The following SRRM4 variants were observed in gnomAD, a reference collection of about 807,000 sequenced individuals.
The protein encoded by SRRM4 is serine/arginine repetitive matrix 4.
Under a neutral mutation model 68.9 loss-of-function variants are expected in SRRM4, and 33 were observed. The observed-to-expected ratio is 0.48, with a 90% CI of 0.36 to 0.64. The LOEUF is 0.64. Ranked by LOEUF, SRRM4 falls within the 30% of genes least tolerant of loss-of-function variation. SRRM4 has a pLI of 0.00. For synonymous variants in SRRM4, 318 were observed against 318.8 expected (o/e 1.00, Z 0.03); for missense variants, 817 against 827.1 (o/e 0.99, Z 0.15).
At chr12:119,101,156 C>T (rs1954075702) in intron 1 of SRRM4, among the ~76,000 whole-genome samples, 1 of 152,158 alleles carries the variant, frequency 6.6e-6, no homozygotes, top group South Asian at 2.1e-4. Flanking sequence ...CATGCTAATG[C>T]CTTTGATCAA....
intron 1 of SRRM4, among the ~76,000 whole-genome samples, chr12:119,002,149 A>T (rs1016100406): frequency 1.5e-4 from 23 of 152,122 alleles, no homozygotes; most frequent in Admixed American, 5.9e-4. Flanking sequence ...ACATGACGAT[A>T]GACGAAGTGC....
At chr12:119,008,570 G>A (rs1953429825) in intron 1 of SRRM4, among the ~76,000 whole-genome samples, 1 of 151,232 alleles carries the variant, frequency 6.6e-6, no homozygotes, top group Non-Finnish European at 1.5e-5. Flanking sequence ...GGTAGTAGTA[G>A]CCCCAGTCCT....
rs184928978 is a variant in SRRM4 at position 119,148,509 on chromosome 12, C to T, written c.1077-2508C>T. ...AACAATAATAACGGCAGTTCATATTCGTTGAGCCCAAATCACATGCTAGGT... is the reference window on the plus strand; with the variant it reads ...AACAATAATAACGGCAGTTCATATTTGTTGAGCCCAAATCACATGCTAGGT... On this transcript the variant is annotated intron_variant, in intron 9 of 12. Transcript: ENST00000267260. Among the ~76,000 whole-genome samples, 48 of 152,322 alleles carry T rather than the reference C, an allele frequency of 3.2e-4. No homozygotes were observed. The East Asian group carries it at 8.7e-3, about 28-fold the overall frequency.
chr12:118,991,019 G>A (rs1365057851), intron 1 of SRRM4, among the ~76,000 whole-genome samples: 1 of 152,142 alleles, frequency 6.6e-6, no homozygotes, highest in Non-Finnish European at 1.5e-5. Flanking sequence ...TGGCCAGGCT[G>A]GTCTTGAACT....
rs1565913225 is a variant in SRRM4, at chr12:119,122,090, A to G, written c.485A>G (p.Lys162Arg). The G allele has an allele frequency of 6.2e-7, 1 of 1,611,684 alleles. No individual in the cohort carries two copies. The highest frequency in any genetic ancestry group is 1.3e-5 in the African/African-American group (1 of 74,866). The change falls in exon 6 of 13, where the codon AAA becomes AGA. Residue 162 changes from lysine to arginine, a missense_variant. Transcript: ENST00000267260. ...RRHSSSSPKS[K>R]RRDEKRHKKQ... is the part of the protein sequence containing the mutation. ...TTTAGCTCCTCTAGCCCAAAAAGCA[A>G]AAGAAGAGATGAGAAGAGGCACAAG...
intron 1 of SRRM4, among the ~76,000 whole-genome samples, chr12:119,096,224 G>A (rs1356943127): frequency 6.7e-6 from 1 of 150,272 alleles, no homozygotes; most frequent in East Asian, 2.0e-4. Flanking sequence ...AGCAGTGACG[G>A]GGTTTCACTG....
At chr12:119,156,398 A>AGGGAGGATATTGGTTTCCCTT (rs1954471232) in intron 12 of SRRM4, 97 bp from the exon 13 acceptor site, 1 of 1,458,424 alleles carries the variant, frequency 6.9e-7, no homozygotes, top group South Asian at 1.5e-5. Flanking sequence ...GACTGGGGAA[A>AGGGAGGATATTGGTTTCCCTT]GGGAGGATAT....
intron 1 of SRRM4, among the ~76,000 whole-genome samples, chr12:119,094,522 A>G (rs7311040): frequency 1.3e-5 from 2 of 152,060 alleles, no homozygotes; most frequent in African/African-American, 4.8e-5. Flanking sequence ...GCCACCCTCC[A>G]CCTTCACTGT....
intron 1 of SRRM4, among the ~76,000 whole-genome samples, chr12:119,058,806 G>T (rs1221361817): frequency 1.3e-5 from 2 of 151,832 alleles, no homozygotes; most frequent in Non-Finnish European, 2.9e-5. Flanking sequence ...TTTTCTTTCA[G>T]AGCCATTGTT....
rs546863868 is a variant in SRRM4, at chr12:119,122,244, A to AAGGAAGGC, written c.515+172_515+179dup. Reference sequence around the variant, plus strand: ...AAGGGAGGAGAAGGTGAGCGGGTGAAAGGAAGGCAGGAAGGCAGGAAGGCA... The same window carrying AAGGAAGGC: ...AAGGGAGGAGAAGGTGAGCGGGTGAAAGGAAGGCAGGAAGGCAGGAAGGCAGGAAGGCA... On this transcript the variant is annotated intron_variant, in intron 6 of 12. Transcript: ENST00000267260. The AAGGAAGGC allele has an allele frequency of 3.8e-3, 1,429 of 375,308 alleles. 122 individuals carry two copies. The highest frequency in any genetic ancestry group is 0.013 in the African/African-American group (462 of 34,510). The allele number at this position is 375,308 out of a possible 1,614,324, so 23.2% of individuals were successfully genotyped here.
At chr12:119,130,432 T>G (rs201367721) in intron 7 of SRRM4, among the ~76,000 whole-genome samples, 5 of 142,892 alleles carry the variant, frequency 3.5e-5, no homozygotes, top group South Asian at 2.2e-4. Context: ...GATGGATGGA[T>G]GGATGGATGG....
chr12:119,091,726 G>T (rs889566869), intron 1 of SRRM4, among the ~76,000 whole-genome samples: 4 of 152,128 alleles, frequency 2.6e-5, no homozygotes, highest in Non-Finnish European at 5.9e-5. Flanking sequence ...TATCCGATGG[G>T]TCTACTCACT....
intron 1 of SRRM4, among the ~76,000 whole-genome samples, chr12:119,051,456 G>A (rs913507874): frequency 6.6e-6 from 1 of 152,200 alleles, no homozygotes; most frequent in African/African-American, 2.4e-5. Context: ...TTACAGGGAA[G>A]CTGCTTTTTT....
intron 3 of SRRM4, 43 bp from the exon 4 acceptor site, chr12:119,116,894 T>C: frequency 1.2e-6 from 2 of 1,600,820 alleles, no homozygotes; most frequent in South Asian, 1.1e-5. Flanking sequence ...AACCTTGGCC[T>C]TTAAGAGCCT....
At chr12:119,063,019 AG>A (rs1333064061) in intron 1 of SRRM4, among the ~76,000 whole-genome samples, 1 of 152,252 alleles carries the variant, frequency 6.6e-6, no homozygotes, top group Admixed American at 6.5e-5. Context: ...GTCATGAATA[AG>A]GTTGTTTTTG....
At chr12:119,095,403 G>A (rs147022793) in intron 1 of SRRM4, among the ~76,000 whole-genome samples, 10 of 152,242 alleles carry the variant, frequency 6.6e-5, no homozygotes, top group South Asian at 2.1e-4. Flanking sequence ...CTGGATGCAC[G>A]GGTAGAACAA....
intron 1 of SRRM4, among the ~76,000 whole-genome samples, chr12:119,036,454 A>G (rs1594037369): frequency 1.3e-5 from 2 of 152,154 alleles, no homozygotes. Flanking sequence ...TGACAACCCC[A>G]TATCCTGCTG....
chr12:119,006,408 C>A (rs766055194), intron 1 of SRRM4, among the ~76,000 whole-genome samples: 1 of 152,084 alleles, frequency 6.6e-6, no homozygotes, highest in African/African-American at 2.4e-5. Context: ...ATTGAAAAGT[C>A]CCTATGAAAC....
chr12:119,003,207 C>T (rs1309849119), intron 1 of SRRM4, among the ~76,000 whole-genome samples: 1 of 151,724 alleles, frequency 6.6e-6, no homozygotes, highest in Admixed American at 6.6e-5. Context: ...AACCTATGTT[C>T]GAAGACCAGG....
Sources: allele counts gnomAD v4.1 joint callset (sites outside exome capture counted in the v4.1 genomes callset), GRCh38; gene constraint gnomAD v4.1.1; transcripts MANE v1.5; gene names NCBI Gene and HGNC (gene_info 2026-07-23, HGNC 2026-07-21).